The following KIT variants were observed in gnomAD, a reference collection of about 807,000 sequenced individuals.
KIT encodes the protein mast/stem cell growth factor receptor Kit.
A neutral mutation model predicts 105.7 loss-of-function variants in KIT; 16 were observed. That is an observed-to-expected ratio of 0.15 (90% CI 0.10 to 0.23). The LOEUF is 0.23. Among genes scored for constraint, KIT ranks in the 10% least tolerant of loss-of-function variants. KIT has a pLI of 1.00. For synonymous variants in KIT, 438 were observed against 441.1 expected (o/e 0.99, Z 0.09); for missense variants, 858 against 1,213.8 (o/e 0.71, Z 4.36).
chr4:54,709,136 C>T (rs1379959107), intron 6 of KIT, among the ~76,000 whole-genome samples: 4 of 87,258 alleles, frequency 4.6e-5, no homozygotes, highest in Non-Finnish European at 7.1e-5. Flanking sequence ...GGGGGGAGGG[C>T]GGAGGCGGGA....
At chr4:54,710,315 G>GC (rs1156259557) in intron 7 of KIT, among the ~76,000 whole-genome samples, 15 of 152,180 alleles carry the variant, frequency 9.9e-5, no homozygotes, top group African/African-American at 3.6e-4. Context: ...TGCAAGGGAG[G>GC]CCCCTAAAGA....
Position 54,703,897 on chromosome 4 carries a change from A to C in KIT, c.925+5A>C. On this transcript the variant is annotated splice_donor_5th_base_variant and intron_variant, in intron 5 of 20. Transcript: ENST00000288135. ...CAACAACCTTGGAAGTAGTAGGTAA[A>C]TACCTCTATGGGAATGTTTAAATTA... 1 of 1,606,924 alleles carries C rather than the reference A, an allele frequency of 6.2e-7. No individual in the cohort carries two copies. Among genetic ancestry groups the C allele is most frequent in the Non-Finnish European group, 8.5e-7 (1 of 1,173,494 alleles).
intron 2 of KIT, among the ~76,000 whole-genome samples, chr4:54,697,471 C>T (rs756059923): frequency 3.9e-5 from 6 of 152,122 alleles, no homozygotes; most frequent in Non-Finnish European, 7.3e-5. Context: ...TTAGGTTTGT[C>T]TGGCTTCTAT....
chr4:54,733,312 G>A (rs1722721453), intron 17 of KIT, 120 bp downstream of exon 17: 2 of 1,195,624 alleles, frequency 1.7e-6, no homozygotes, highest in East Asian at 4.7e-5. Flanking sequence ...ACACATTTTA[G>A]CAGTCAAATT....
At chr4:54,685,177 G>C (rs573645159) in intron 1 of KIT, among the ~76,000 whole-genome samples, 1 of 152,040 alleles carries the variant, frequency 6.6e-6, no homozygotes, top group South Asian at 2.1e-4. Context: ...TCTGTTCTTT[G>C]TAGTCTCCAC....
intron 4 of KIT, among the ~76,000 whole-genome samples, chr4:54,701,430 A>G (rs1335117174): frequency 6.6e-6 from 1 of 152,208 alleles, no homozygotes. Flanking sequence ...TTAACTCACA[A>G]TGTAATTTAG....
At chr4:54,661,075 G>A (rs1348226259) in intron 1 of KIT, among the ~76,000 whole-genome samples, 1 of 152,118 alleles carries the variant, frequency 6.6e-6, no homozygotes, top group East Asian at 1.9e-4. Context: ...TCCAGTTAGC[G>A]TCCCTCAGAA....
chr4:54,708,717 G>A (rs182388285), intron 6 of KIT, among the ~76,000 whole-genome samples: 2 of 152,300 alleles, frequency 1.3e-5, no homozygotes, highest in African/African-American at 2.4e-5. Context: ...TAGTGTGAGA[G>A]TTGGCACACC....
At chr4:54,680,002 G>C (rs1042600137) in intron 1 of KIT, among the ~76,000 whole-genome samples, 3 of 152,166 alleles carry the variant, frequency 2.0e-5, no homozygotes, top group Non-Finnish European at 4.4e-5. Context: ...GTTGATCAGG[G>C]GTTGGAGGGA....
At position 54,727,139 on chromosome 4, in the gene KIT, G is replaced by T. The variant is rs1271315993; in HGVS notation, c.1541-79G>T. On this transcript the variant is annotated intron_variant, in intron 9 of 20. Transcript: ENST00000288135. ...CATGGGCTGTGAGTTGGGAGGTGGG[G>T]TCAGTTTGGGACTGAGTGGCTGTGG... is the stretch of plus-strand genomic sequence containing the variant. 26 of 1,185,648 alleles carry T rather than the reference G, an allele frequency of 2.2e-5. No homozygotes were observed. In the Admixed American group the frequency reaches 3.5e-4, roughly 16 times the overall value. The allele number at this position is 1,185,648 out of a possible 1,614,324, so 73.4% of individuals were successfully genotyped here. A position where few individuals can be genotyped will look rare whatever the true frequency, so the allele number is the denominator to read the frequency against.
intron 1 of KIT, among the ~76,000 whole-genome samples, chr4:54,668,338 A>G (rs779257250): frequency 4.6e-5 from 7 of 152,198 alleles, no homozygotes; most frequent in African/African-American, 7.2e-5. Flanking sequence ...AGTAGAAAAA[A>G]GATAAGAGGG....
Position 54,733,123 on chromosome 4 carries a change from C to T in KIT, c.2415C>T (p.Ile805=), listed in dbSNP as rs751206924. The T allele has an allele frequency of 6.2e-7, 1 of 1,612,282 alleles. No homozygotes were observed. Among genetic ancestry groups the T allele is most frequent in the East Asian group, 2.2e-5 (1 of 44,806 alleles). The change falls in exon 17 of 21, where the codon ATC becomes ATT. Residue 805 remains isoleucine, a synonymous_variant. Coordinates refer to ENST00000288135, the MANE Select transcript of KIT (RefSeq NM_000222.3). ...ARNILLTHGR[I]TKICDFGLAR... is the part of the protein sequence containing the mutation. ...ATATCCTCCTTACTCATGGTCGGAT[C>T]ACAAAGATTTGTGATTTTGGTCTAG...
In KIT at chr4:54,729,503, A is replaced by C. The variant is rs1438232141; in HGVS notation, c.2141+18A>C. ...TCTTCCTGGTAAGACTGATTTACAT[A>C]AATAGTTAGCTGTTGACAGGCAGTT... On this transcript the variant is annotated intron_variant, in intron 14 of 20. Transcript: ENST00000288135. The C allele has an allele frequency of 6.2e-7, 1 of 1,611,938 alleles. No homozygotes were observed. The highest frequency in any genetic ancestry group is 8.5e-7 in the Non-Finnish European group (1 of 1,179,128).
Position 54,667,936 on chromosome 4 carries a change from A to G in KIT, c.67+9855A>G, listed in dbSNP as rs539749934. On this transcript the variant is annotated intron_variant, in intron 1 of 20. Coordinates refer to ENST00000288135, the MANE Select transcript of KIT (RefSeq NM_000222.3). ...TCCCTTCTCCCTACCGACCTTCCCC[A>G]CTCCTAGCCAAGATTAGAGATTTTG... Among the ~76,000 whole-genome samples, 3 of 152,050 alleles carry G rather than the reference A, an allele frequency of 2.0e-5. No individual in the cohort carries two copies. In the South Asian group the frequency reaches 6.2e-4, roughly 32 times the overall value.
intron 1 of KIT, among the ~76,000 whole-genome samples, chr4:54,669,564 AT>A (rs1376425867): frequency 1.3e-5 from 2 of 152,206 alleles, no homozygotes; most frequent in Non-Finnish European, 2.9e-5. Context: ...AAATCCATAG[AT>A]TTATTCACAA....
At position 54,665,513 on chromosome 4, in the gene KIT, A is replaced by C. The variant is rs1359386348; in HGVS notation, c.67+7432A>C. ...TGGAAAGAAAGCGCCCTTAAGAGAC[A>C]CGAGGAGGATAAAGGTGCAGGTCTT... On this transcript the variant is annotated intron_variant, in intron 1 of 20. Transcript: ENST00000288135. Among the ~76,000 whole-genome samples the C allele has an allele frequency of 2.6e-5, 4 of 152,238 alleles. No individual in the cohort carries two copies. The East Asian group carries it at 5.8e-4, about 22-fold the overall frequency.
At chr4:54,677,222 C>T (rs1043284950) in intron 1 of KIT, among the ~76,000 whole-genome samples, 6 of 152,108 alleles carry the variant, frequency 3.9e-5, no homozygotes, top group African/African-American at 1.4e-4. Context: ...GAGGTGTCAC[C>T]TGAGCTTTAG....
chr4:54,737,724 C>G (rs946689010), intron 20 of KIT, among the ~76,000 whole-genome samples: 6 of 152,144 alleles, frequency 3.9e-5, no homozygotes, highest in Non-Finnish European at 8.8e-5. Flanking sequence ...CAAGCATAGC[C>G]AGAAAATGGC....
intron 1 of KIT, among the ~76,000 whole-genome samples, chr4:54,669,217 C>G (rs969591944): frequency 1.4e-4 from 22 of 152,112 alleles, no homozygotes; most frequent in Admixed American, 1.2e-3. Flanking sequence ...GAGGACCCCC[C>G]CCCCTTGCTT....
Sources: gnomAD v4.1 joint callset for allele counts (sites outside exome capture counted in the v4.1 genomes callset) on GRCh38, gnomAD v4.1.1 for gene constraint, MANE v1.5 for transcripts, NCBI Gene and HGNC (gene_info 2026-07-23, HGNC 2026-07-21) for gene names.